Variants in PARPBP observed in about 807,000 individuals in gnomAD.
PARPBP encodes PARP1 binding protein, also known as PCNA-interacting partner.
A neutral mutation model predicts 50.0 loss-of-function variants in PARPBP; 52 were observed. The observed-to-expected ratio is 1.04, with a 90% CI of 0.83 to 1.31. The LOEUF (loss-of-function observed/expected upper bound fraction) is 1.31. PARPBP is among the 50% of genes most tolerant of loss of function. The probability of loss-of-function intolerance (pLI) is 0.00; values close to 1 mark genes in which losing one functional copy is unlikely to be tolerated. For missense variants in PARPBP, 697 were observed against 672.0 expected (o/e 1.04, Z -0.41); for synonymous variants, 244 against 232.1 (o/e 1.05, Z -0.47).
At chr12:102,191,976 A>C (rs1001898174) in intron 9 of PARPBP, among the ~76,000 whole-genome samples, 13 of 152,164 alleles carry the variant, frequency 8.5e-5, no homozygotes, top group African/African-American at 2.9e-4. Flanking sequence ...TTGCAACAGG[A>C]AGTAATCTCA....
At position 102,142,690 on chromosome 12, in the gene PARPBP, T is replaced by C. The variant is rs558471678; in HGVS notation, c.154-5540T>C. ...GGTTTGGTGTGGATGTCCTTTCTGT[T>C]TGTTAGTTTTCCTTCTAACAGTCAG... On this transcript the variant is annotated intron_variant, in intron 2 of 10. Coordinates refer to ENST00000327680, the MANE Select transcript of PARPBP (RefSeq NM_017915.5). Among the ~76,000 whole-genome samples, 14 of 152,342 alleles carry C rather than the reference T, an allele frequency of 9.2e-5. No homozygotes were observed. In the East Asian group the frequency reaches 2.7e-3, roughly 29 times the overall value.
intron 2 of PARPBP, among the ~76,000 whole-genome samples, chr12:102,139,844 T>C (rs1327591590): frequency 6.6e-6 from 1 of 152,212 alleles, no homozygotes; most frequent in African/African-American, 2.4e-5. Context: ...CACTTGATCT[T>C]AGTGGATAAG....
intron 4 of PARPBP, among the ~76,000 whole-genome samples, chr12:102,161,683 G>T (rs1887611259): frequency 6.6e-6 from 1 of 152,104 alleles, no homozygotes; most frequent in African/African-American, 2.4e-5. Flanking sequence ...CACTTTGGGA[G>T]GTCAAGGCAG....
intron 3 of PARPBP, chr12:102,150,308 C>T (rs1370475397): frequency 2.2e-6 from 1 of 454,062 alleles, no homozygotes; most frequent in African/African-American, 2.0e-5. Flanking sequence ...AAATATATCC[C>T]TAGATTGATT....
rs1248045551 is a variant in PARPBP, at chr12:102,182,752, A to G, written c.1263+125A>G. Reference sequence around the variant, plus strand: ...TTGTACATGACACAGTAGGAATTAAATGGAAAATGAGTTATGACAGTTGAC... The same window carrying G: ...TTGTACATGACACAGTAGGAATTAAGTGGAAAATGAGTTATGACAGTTGAC... On this transcript the variant is annotated intron_variant, in intron 9 of 10. Transcript: ENST00000327680. The G allele has an allele frequency of 7.3e-6, 5 of 688,756 alleles. No individual in the cohort carries two copies. In the African/African-American group the frequency reaches 9.0e-5, roughly 12 times the overall value. 42.7% of individuals were successfully genotyped at this position (688,756 alleles called of 1,614,324 possible).
chr12:102,121,571 T>TTA (rs57945278), intron 1 of PARPBP, among the ~76,000 whole-genome samples: 17 of 127,288 alleles, frequency 1.3e-4, no homozygotes, highest in Admixed American at 4.1e-4. Flanking sequence ...TTTTTTTTTT[T>TTA]AAGACAGAGT....
chr12:102,121,564 T>C (rs1442178903), intron 1 of PARPBP, among the ~76,000 whole-genome samples: 1 of 143,942 alleles, frequency 6.9e-6, no homozygotes, highest in African/African-American at 2.7e-5. Flanking sequence ...TTTTTTTTTT[T>C]TTTTTTTAAG....
At chr12:102,132,274 C>A (rs1370221325) in intron 2 of PARPBP, among the ~76,000 whole-genome samples, 3 of 150,672 alleles carry the variant, frequency 2.0e-5, no homozygotes, top group Non-Finnish European at 4.4e-5. Context: ...GTGTAACAAA[C>A]CTGCACATAT....
chr12:102,157,136 G>T (rs1240654009), intron 4 of PARPBP, among the ~76,000 whole-genome samples: 2 of 150,590 alleles, frequency 1.3e-5, no homozygotes, highest in African/African-American at 5.0e-5. Flanking sequence ...TCAAATACTT[G>T]TATGTCTCTT....
chr12:102,128,989 T>C (rs1882442371), intron 2 of PARPBP, among the ~76,000 whole-genome samples: 1 of 152,220 alleles, frequency 6.6e-6, no homozygotes, highest in South Asian at 2.1e-4. Flanking sequence ...TTTTCAATAA[T>C]GGCCATTCTA....
chr12:102,160,780 C>T (rs981834114), intron 4 of PARPBP, among the ~76,000 whole-genome samples: 2 of 152,156 alleles, frequency 1.3e-5, no homozygotes, highest in Non-Finnish European at 2.9e-5. Context: ...GAAATCCCGT[C>T]TCTACTAAAA....
At chr12:102,185,099 G>T (rs1160893456) in intron 9 of PARPBP, among the ~76,000 whole-genome samples, 1 of 152,122 alleles carries the variant, frequency 6.6e-6, no homozygotes, top group Non-Finnish European at 1.5e-5. Flanking sequence ...AGAAATAGAT[G>T]CTCCTGCGAT....
chr12:102,136,510 A>T (rs181232522), intron 2 of PARPBP, among the ~76,000 whole-genome samples: 112 of 152,368 alleles, frequency 7.4e-4, no homozygotes, highest in Non-Finnish European at 1.3e-3. Flanking sequence ...ATACTGAAAT[A>T]TTCAATCCAA....
chr12:102,165,909 T>TA lies in PARPBP; in HGVS notation c.821+27dup. 1.4e-6 allele frequency: 2 copies of TA among 1,387,936 alleles called. 1 individual carries two copies. The highest frequency in any genetic ancestry group is 2.5e-5 in the South Asian group (2 of 81,302). 86.0% of individuals were successfully genotyped at this position (1,387,936 alleles called of 1,614,324 possible). On this transcript the variant is annotated intron_variant, in intron 6 of 10. Transcript: ENST00000327680. ...GTAATGACTTTTCATATATTACAAA[T>TA]ATGTTTTTAATCTATCTTTAAAACT...
intron 4 of PARPBP, among the ~76,000 whole-genome samples, chr12:102,155,686 G>A (rs1456776530): frequency 6.6e-6 from 1 of 151,898 alleles, no homozygotes; most frequent in Admixed American, 6.6e-5. Flanking sequence ...CATTTTATGG[G>A]AGCTCTGTTT....
At chr12:102,140,216 G>C (rs911131339) in intron 2 of PARPBP, among the ~76,000 whole-genome samples, 2 of 152,130 alleles carry the variant, frequency 1.3e-5, no homozygotes, top group African/African-American at 4.8e-5. Flanking sequence ...TCTTGGGAGG[G>C]TATATGTGTC....
chr12:102,122,778 C>T (rs1881358650), intron 1 of PARPBP, among the ~76,000 whole-genome samples: 1 of 152,272 alleles, frequency 6.6e-6, no homozygotes, highest in Middle Eastern at 3.4e-3. Flanking sequence ...AGCTGAGTGA[C>T]GTGGAGGTTA....
chr12:102,195,101 T>G (rs11111202), intron 9 of PARPBP, among the ~76,000 whole-genome samples: 39,266 of 151,442 alleles, frequency 0.26, 5,238 homozygotes, highest in East Asian at 0.42. Flanking sequence ...CATAAAGCTA[T>G]TATTTTGGAA....
At chr12:102,128,324 C>A (rs1040508223) in intron 2 of PARPBP, among the ~76,000 whole-genome samples, 2 of 152,134 alleles carry the variant, frequency 1.3e-5, no homozygotes, top group African/African-American at 4.8e-5. Context: ...CTCCCCCTCC[C>A]GGGTTCACGC....
Sources: allele counts gnomAD v4.1 joint callset (sites outside exome capture counted in the v4.1 genomes callset), GRCh38; gene constraint gnomAD v4.1.1; transcripts MANE v1.5; gene names NCBI Gene and HGNC (gene_info 2026-07-23, HGNC 2026-07-21).